Variants in PDLIM2 observed in about 807,000 individuals in gnomAD.
The protein encoded by PDLIM2 is PDZ and LIM domain protein 2.
A neutral mutation model predicts 54.1 loss-of-function variants in PDLIM2; 51 were observed. The observed-to-expected ratio is 0.94, with a 90% CI of 0.75 to 1.19. The LOEUF (loss-of-function observed/expected upper bound fraction) is 1.19, where lower values mean the gene tolerates loss of function less well. PDLIM2 is among the 50% of genes most tolerant of loss of function. The probability of loss-of-function intolerance (pLI) is 0.00; values close to 1 mark genes in which losing one functional copy is unlikely to be tolerated. For synonymous variants in PDLIM2, 398 were observed against 385.6 expected (o/e 1.03, Z -0.38); for missense variants, 912 against 874.0 (o/e 1.04, Z -0.55).
At chr8:22,579,473 G>A in exon 1 of PDLIM2, 1 of 1,514,604 alleles carries the variant, frequency 6.6e-7, no homozygotes, top group Non-Finnish European at 8.8e-7. Flanking sequence ...CGGGCCATCG[G>A]GCTGGGCACC....
chr8:22,589,922 AGG>A (rs1800495191), intron 8 of PDLIM2, 181 bp downstream of exon 7: 6 of 367,666 alleles, frequency 1.6e-5, no homozygotes, highest in Non-Finnish European at 2.7e-5. Flanking sequence ...ACGGTCCGGG[AGG>A]GTCCGGGAGG....
chr8:22,578,788 C>T lies in PDLIM2; in HGVS notation c.9C>T (p.Gly3=), dbSNP rs913756862. The change falls in exon 1 of 10, where the codon GGC becomes GGT. Residue 3 remains glycine (G), a synonymous_variant. Coordinates refer to ENST00000308354, the Ensembl canonical transcript of PDLIM2. The stretch of plus-strand genomic sequence containing the variant: ...CTGCCCAGGACCTGGGGATGCGGGG[C>T]GGGAGAGCGCGGCCGGCGTGGGAGA... 10 of 1,234,232 alleles carry T rather than the reference C, an allele frequency of 8.1e-6. 1 individual carries two copies. Among genetic ancestry groups the T allele is most frequent in the Middle Eastern group, 2.1e-4 (1 of 4,748 alleles). The allele number at this position is 1,234,232 out of a possible 1,614,324, so 76.5% of individuals were successfully genotyped here. A position where few individuals can be genotyped will look rare whatever the true frequency, so the allele number is the denominator to read the frequency against.
At chr8:22,583,330 C>T (rs566572357) in intron 3 of PDLIM2, among the ~76,000 whole-genome samples, 49 of 152,202 alleles carry the variant, frequency 3.2e-4, no homozygotes, top group African/African-American at 8.2e-4. Context: ...AGGAGTGACG[C>T]GCTCAAAGGC....
chr8:22,591,085 A>G (rs1800530954), intron 8 of PDLIM2: 2 of 204,930 alleles, frequency 9.8e-6, no homozygotes, highest in South Asian at 1.3e-4. Flanking sequence ...GACTTTGCCA[A>G]GGAGGCCTCA....
At chr8:22,593,951 T>TCATGTCC (rs1800626370) in exon 10 of PDLIM2, 2 of 1,535,080 alleles carry the variant, frequency 1.3e-6, no homozygotes, top group East Asian at 4.9e-5. Context: ...TGGGCCAGGG[T>TCATGTCC]CATGCCTATA....
intron 2 of PDLIM2, 120 bp from the exon 2 acceptor site, chr8:22,581,259 T>C: frequency 7.7e-7 from 1 of 1,293,146 alleles, no homozygotes. Context: ...CAGAGGGACA[T>C]GCAGGAGGGT....
At chr8:22,581,629 C>G in intron 3 of PDLIM2, 99 bp downstream of exon 2, 1 of 1,427,190 alleles carries the variant, frequency 7.0e-7, no homozygotes, top group East Asian at 2.5e-5. Flanking sequence ...AGAGCTCAGC[C>G]CTAAAGCGGC....
At chr8:22,580,498 T>C (rs2117334617) in intron 1 of PDLIM2, 2 of 1,587,326 alleles carry the variant, frequency 1.3e-6, no homozygotes, top group Middle Eastern at 2.2e-4. Context: ...CTCCGGGAGC[T>C]GTGGTGCCCT....
rs1393856016 is a variant in PDLIM2 at position 22,589,526 on chromosome 8, G to GC, written c.1368-64dup. 5.4e-6 allele frequency: 8 copies of GC among 1,477,068 alleles called. No individual in the cohort carries two copies. The South Asian group carries it at 6.5e-5, about 12-fold the overall frequency. The allele number at this position is 1,477,068 out of a possible 1,614,324, so 91.5% of individuals were successfully genotyped here. On this transcript the variant is annotated intron_variant, in intron 7 of 9. Transcript: ENST00000308354. ...TCCCCCTCCCCCACGCTCTTCTCCT[G>GC]CCCCCCACCCCCTTGCTTGCCTAAG...
Position 22,579,065 on chromosome 8 carries a change from G to A in PDLIM2, c.286G>A (p.Gly96Ser), listed in dbSNP as rs1800112057. 7 of 1,248,622 alleles carry A rather than the reference G, an allele frequency of 5.6e-6. No individual in the cohort carries two copies. In the South Asian group the frequency reaches 2.5e-4, roughly 45 times the overall value. The allele number at this position is 1,248,622 out of a possible 1,614,324, so 77.3% of individuals were successfully genotyped here. ...GGCGGCTTCTCGGGCTAGGGGCGGC[G>A]GCAGGGGCGGCCCCGGGATCACATG... Residue 96 changes from glycine to serine, a missense_variant, in exon 1 of 10, where the codon GGC becomes AGC. By Grantham distance (56) the Gly-to-Ser change is moderately conservative. Coordinates refer to ENST00000308354, the Ensembl canonical transcript of PDLIM2.
intron 9 of PDLIM2, 113 bp from the exon 9 acceptor site, chr8:22,593,620 G>A: frequency 2.8e-6 from 2 of 723,232 alleles, no homozygotes; most frequent in African/African-American, 1.9e-5. Context: ...TCTCTGAGAA[G>A]GCTTTGGGCT....
Position 22,594,174 on chromosome 8 carries a change from C to T in PDLIM2, c.*264C>T, listed in dbSNP as rs1251710250. ...ACTGCCTTTGATCAACCTTTGTGTGCGAGGGTCTAAGTAGGGTCGAACACA... is the reference window on the plus strand; with the variant it reads ...ACTGCCTTTGATCAACCTTTGTGTGTGAGGGTCTAAGTAGGGTCGAACACA... On this transcript the variant is annotated 3_prime_UTR_variant, in exon 10 of 10. Transcript: ENST00000308354. The T allele has an allele frequency of 4.0e-5, 56 of 1,410,478 alleles. No homozygotes were observed. Among genetic ancestry groups the T allele is most frequent in the Non-Finnish European group, 5.1e-5 (55 of 1,087,976 alleles). 87.4% of individuals were successfully genotyped at this position (1,410,478 alleles called of 1,614,324 possible). A position where few individuals can be genotyped will look rare whatever the true frequency, so the allele number is the denominator to read the frequency against.
rs1432682465 is a variant in PDLIM2 at position 22,594,131 on chromosome 8, C to T, written c.*221C>T. The T allele has an allele frequency of 1.2e-5, 17 of 1,425,662 alleles. No individual in the cohort carries two copies. The Admixed American group carries it at 4.4e-4, about 37-fold the overall frequency. 88.3% of individuals were successfully genotyped at this position (1,425,662 alleles called of 1,614,324 possible). On this transcript the variant is annotated 3_prime_UTR_variant, in exon 10 of 10. Transcript: ENST00000308354. The stretch of plus-strand genomic sequence containing the variant: ...CCTCTCCCCTGCAGGACTGGCATTG[C>T]ACTAGTCTGAGGTGGCCACTGCCTT...
chr8:22,578,992 C>T lies in PDLIM2; in HGVS notation c.213C>T (p.Pro71=), dbSNP rs900029956. ...CTGGGGACAGCCTGCCTCATCCCCC[C>T]GGCGGGCTCGGGCCAGGTGGCAGCG... Residue 71 remains proline (P), a synonymous_variant, in exon 1 of 10, where the codon CCC becomes CCT. Coordinates refer to ENST00000308354, the Ensembl canonical transcript of PDLIM2. 6 of 1,242,198 alleles carry T rather than the reference C, an allele frequency of 4.8e-6. No homozygotes were observed. The African/African-American group carries it at 6.2e-5, about 13-fold the overall frequency. The allele number at this position is 1,242,198 out of a possible 1,614,324, so 76.9% of individuals were successfully genotyped here.
exon 1 of PDLIM2, chr8:22,578,977 C>T: frequency 8.1e-7 from 1 of 1,241,632 alleles, no homozygotes; most frequent in South Asian, 3.9e-5. Flanking sequence ...CTGGGGACAG[C>T]CTGCCTCATC....
At chr8:22,585,255 G>C in intron 5 of PDLIM2, 66 bp from the exon 5 acceptor site, 1 of 1,601,916 alleles carries the variant, frequency 6.2e-7, no homozygotes, top group Non-Finnish European at 8.5e-7. Context: ...TGGGAGCCCG[G>C]GGCAGCATCC....
chr8:22,583,913 A>G (rs912709303), intron 3 of PDLIM2, among the ~76,000 whole-genome samples: 1 of 150,528 alleles, frequency 6.6e-6, no homozygotes, highest in African/African-American at 2.4e-5. Flanking sequence ...ACTCTCTAAT[A>G]AAACTGAATG....
chr8:22,584,898 G>A lies in PDLIM2; in HGVS notation c.1065+8G>A. 6.2e-7 allele frequency: 1 copy of A among 1,614,080 alleles called. No individual in the cohort carries two copies. The highest frequency in any genetic ancestry group is 2.2e-5 in the East Asian group (1 of 44,864). On this transcript the variant is annotated splice_region_variant and intron_variant, in intron 4 of 9. Transcript: ENST00000308354. Reference sequence around the variant, plus strand: ...CTGGCGACTCGCTTCCAGGTAAGCTGGTGCCCTCCCCTGACAGCCTCAGCA... The same window carrying A: ...CTGGCGACTCGCTTCCAGGTAAGCTAGTGCCCTCCCCTGACAGCCTCAGCA...
chr8:22,591,435 G>A (rs192425444), intron 8 of PDLIM2, 116 bp from the exon 8 acceptor site: 666 of 884,396 alleles, frequency 7.5e-4, no homozygotes, highest in Non-Finnish European at 6.6e-4. Context: ...CACTGTCAGC[G>A]TGACTTTAGG....
Sources: gnomAD v4.1 joint callset for allele counts (sites outside exome capture counted in the v4.1 genomes callset) on GRCh38, gnomAD v4.1.1 for gene constraint, MANE v1.5 for transcripts, NCBI Gene and HGNC (gene_info 2026-07-23, HGNC 2026-07-21) for gene names.